ADGRB3: variants seen among roughly 807,000 people sequenced by gnomAD.
ADGRB3 encodes adhesion G protein-coupled receptor B3, also known as brain-specific angiogenesis inhibitor 3.
Under a neutral mutation model 193.4 loss-of-function variants are expected in ADGRB3, and 37 were observed. The ratio of observed to expected loss-of-function variants is 0.19; its 90% CI spans 0.15 to 0.25. ADGRB3 has a LOEUF of 0.25. Ranked by LOEUF, ADGRB3 falls within the 10% of genes least tolerant of loss-of-function variation. The pLI is 1.00. For synonymous variants in ADGRB3, 690 were observed against 644.2 expected, an observed-to-expected ratio of 1.07 and a Z score of -1.08; for missense variants, 1,637 against 1,852.9, an observed-to-expected ratio of 0.88 and a Z score of 2.14.
At chr6:68,719,268 A>G (rs1765535074) in intron 3 of ADGRB3, among the ~76,000 whole-genome samples, 1 of 151,796 alleles carries the variant, frequency 6.6e-6, no homozygotes, top group African/African-American at 2.4e-5. Flanking sequence ...TGTATTCTGT[A>G]TCTATGCTGT....
chr6:69,270,968 A>G (rs1308922390), intron 20 of ADGRB3, among the ~76,000 whole-genome samples: 1 of 152,170 alleles, frequency 6.6e-6, no homozygotes, highest in Admixed American at 6.5e-5. Flanking sequence ...TGTGCTTTTC[A>G]TTGATTTTAG....
At chr6:69,136,257 C>T (rs1178956254) in intron 17 of ADGRB3, among the ~76,000 whole-genome samples, 1 of 151,972 alleles carries the variant, frequency 6.6e-6, no homozygotes, top group Non-Finnish European at 1.5e-5. Flanking sequence ...CTAAATAAAA[C>T]ATTGGTTTAT....
At chr6:69,105,700 T>C (rs1285236171) in intron 17 of ADGRB3, among the ~76,000 whole-genome samples, 1 of 152,220 alleles carries the variant, frequency 6.6e-6, no homozygotes, top group African/African-American at 2.4e-5. Context: ...ACTAGTTTTA[T>C]CTCTCTTTTA....
At position 69,134,584 on chromosome 6, in the gene ADGRB3, T is replaced by TG. The variant is rs200580044; in HGVS notation, c.2480+58548dup. On this transcript the variant is annotated intron_variant, in intron 17 of 31. Coordinates refer to ENST00000370598, the MANE Select transcript of ADGRB3 (RefSeq NM_001704.3). ...TAGGCAGTTTGGAAAGAGTACAGGA[T>TG]GGTACAAGAAATTGAAAGGATGGTT... Among the ~76,000 whole-genome samples, 586 of 152,186 alleles carry TG rather than the reference T, an allele frequency of 3.9e-3. 13 individuals are homozygous for TG. The highest frequency in any genetic ancestry group is 0.027 in the Admixed American group (417 of 15,248).
At chr6:69,143,159 C>T (rs1774387518) in intron 17 of ADGRB3, among the ~76,000 whole-genome samples, 1 of 152,072 alleles carries the variant, frequency 6.6e-6, no homozygotes, top group Admixed American at 6.5e-5. Flanking sequence ...TTTCATATAC[C>T]AGTTTGCCAT....
intron 3 of ADGRB3, among the ~76,000 whole-genome samples, chr6:68,690,877 A>G (rs1765061285): frequency 6.6e-6 from 1 of 152,128 alleles, no homozygotes; most frequent in Non-Finnish European, 1.5e-5. Context: ...TTCGTAGAGA[A>G]CACATTTTGG....
At chr6:68,638,132 T>G (rs1161537108) in intron 2 of ADGRB3, among the ~76,000 whole-genome samples, 1 of 152,236 alleles carries the variant, frequency 6.6e-6, no homozygotes, top group Admixed American at 6.5e-5. Context: ...CTTTTAAAAT[T>G]GTGGCCATAA....
At chr6:68,738,577 T>C (rs1189906015) in intron 3 of ADGRB3, among the ~76,000 whole-genome samples, 1 of 152,126 alleles carries the variant, frequency 6.6e-6, no homozygotes, top group Non-Finnish European at 1.5e-5. Context: ...TATTTGAGTC[T>C]GGCTATGTTT....
At chr6:68,874,913 G>T (rs566760222) in intron 3 of ADGRB3, among the ~76,000 whole-genome samples, 3 of 152,162 alleles carry the variant, frequency 2.0e-5, no homozygotes, top group Non-Finnish European at 1.5e-5. Context: ...GAGTGCTCTA[G>T]TAGTAGGGCA....
rs148155828 is a variant in ADGRB3 at position 69,339,604 on chromosome 6, G to A, written c.3459+100G>A. ...ATATCTTGATGTTCAGATTAAAGCTGGTCTCCTCCATTGACAATCACTTGG... is the reference window on the plus strand; with the variant it reads ...ATATCTTGATGTTCAGATTAAAGCTAGTCTCCTCCATTGACAATCACTTGG... On this transcript the variant is annotated intron_variant, in intron 26 of 31. Coordinates refer to ENST00000370598, the MANE Select transcript of ADGRB3 (RefSeq NM_001704.3). The A allele has an allele frequency of 1.1e-3, 1,494 of 1,350,324 alleles. 15 individuals are homozygous for A. The African/African-American group carries it at 0.02, about 18-fold the overall frequency. The allele number at this position is 1,350,324 out of a possible 1,614,324, so 83.6% of individuals were successfully genotyped here.
At chr6:68,959,608 T>C (rs1407307841) in intron 8 of ADGRB3, among the ~76,000 whole-genome samples, 3 of 152,138 alleles carry the variant, frequency 2.0e-5, no homozygotes, top group Non-Finnish European at 2.9e-5. Flanking sequence ...AAAGCTGTTA[T>C]GATGTCTACT....
intron 13 of ADGRB3, among the ~76,000 whole-genome samples, chr6:69,019,964 T>A (rs188565529): frequency 1.6e-3 from 247 of 152,030 alleles, no homozygotes; most frequent in African/African-American, 4.7e-3. Flanking sequence ...GTGGAAAAGG[T>A]TTAGCAATCA....
intron 10 of ADGRB3, among the ~76,000 whole-genome samples, chr6:68,982,439 C>A (rs1311972297): frequency 6.6e-6 from 1 of 152,110 alleles, no homozygotes; most frequent in East Asian, 1.9e-4. Flanking sequence ...CTTAGGCTGC[C>A]TTTCTCCATG....
At chr6:69,009,544 G>A (rs1327521242) in intron 11 of ADGRB3, among the ~76,000 whole-genome samples, 1 of 152,110 alleles carries the variant, frequency 6.6e-6, no homozygotes, top group Non-Finnish European at 1.5e-5. Context: ...TAAAGTTGGA[G>A]AGACAGGAAG....
At chr6:68,823,475 A>G (rs1418794869) in intron 3 of ADGRB3, among the ~76,000 whole-genome samples, 5 of 152,060 alleles carry the variant, frequency 3.3e-5, no homozygotes, top group Non-Finnish European at 7.4e-5. Context: ...AACAATGTAA[A>G]TGCTTACTAA....
chr6:68,693,973 A>G (rs1470870795), intron 3 of ADGRB3, among the ~76,000 whole-genome samples: 4 of 151,964 alleles, frequency 2.6e-5, no homozygotes, highest in Non-Finnish European at 5.9e-5. Flanking sequence ...AAGGTATCTC[A>G]TTCTCTTAGT....
chr6:68,733,232 A>C (rs1178097517), intron 3 of ADGRB3, among the ~76,000 whole-genome samples: 1 of 147,296 alleles, frequency 6.8e-6, no homozygotes, highest in Non-Finnish European at 1.5e-5. Flanking sequence ...AATTATATCT[A>C]TATATATATA....
intron 12 of ADGRB3, among the ~76,000 whole-genome samples, chr6:69,015,955 G>T (rs2150286082): frequency 6.6e-6 from 1 of 151,986 alleles, no homozygotes; most frequent in African/African-American, 2.4e-5. Context: ...TATTATGTTT[G>T]ATATTTCGTC....
chr6:68,953,996 G>A (rs980305451), intron 6 of ADGRB3, among the ~76,000 whole-genome samples: 4 of 152,154 alleles, frequency 2.6e-5, no homozygotes, highest in African/African-American at 9.7e-5. Context: ...ACCTTTACAT[G>A]CTAGTTTGCA....
Sources: allele counts gnomAD v4.1 joint callset (sites outside exome capture counted in the v4.1 genomes callset), GRCh38; gene constraint gnomAD v4.1.1; transcripts MANE v1.5; gene names NCBI Gene and HGNC (gene_info 2026-07-23, HGNC 2026-07-21).